The following TUSC3 variants were observed in gnomAD, a reference collection of about 807,000 sequenced individuals.
The protein encoded by TUSC3 is tumor suppressor candidate 3.
TUSC3 carries 45 observed loss-of-function variants against 44.8 expected under a neutral mutation model. The observed-to-expected ratio is 1.00, with a 90% confidence interval of 0.79 to 1.29. TUSC3 has a LOEUF of 1.29. TUSC3 is among the 50% of genes most tolerant of loss of function. The pLI is 0.00. For missense variants in TUSC3, 519 were observed against 437.9 expected (o/e 1.19, Z -1.65); for synonymous variants, 212 against 152.9 (o/e 1.39, Z -2.85).
chr8:15,730,412 C>T (rs527852595), intron 6 of TUSC3, among the ~76,000 whole-genome samples: 2 of 152,096 alleles, frequency 1.3e-5, no homozygotes, highest in East Asian at 3.9e-4. Context: ...GTGATAAATC[C>T]TTTAACAAGT....
chr8:15,806,062 G>A, the TUSC3 span: 5 of 266,326 alleles, frequency 1.9e-5, no homozygotes, highest in Non-Finnish European at 3.0e-5. Context: ...CCTTAAAGTT[G>A]AGGACGGATG....
chr8:15,649,229 G>A (rs903441311), intron 2 of TUSC3, among the ~76,000 whole-genome samples: 3 of 151,982 alleles, frequency 2.0e-5, no homozygotes, highest in African/African-American at 7.3e-5. Flanking sequence ...CGTTGCGGTG[G>A]GGATGAAGGC....
At chr8:15,611,583 T>TA (rs1292798102) in intron 1 of TUSC3, among the ~76,000 whole-genome samples, 1 of 152,202 alleles carries the variant, frequency 6.6e-6, no homozygotes, top group African/African-American at 2.4e-5. Flanking sequence ...TCTTAACTGA[T>TA]TAACCTCTTG....
At chr8:15,768,988 T>C (rs1812396289), downstream of TUSC3, among the ~76,000 whole-genome samples, 1 of 152,048 alleles carries the variant, frequency 6.6e-6, no homozygotes, top group Non-Finnish European at 1.5e-5. Flanking sequence ...ATCGTGAAAA[T>C]GGCCGTACCG....
At chr8:15,544,070 A>C (rs779242892) in intron 1 of TUSC3, among the ~76,000 whole-genome samples, 3 of 152,142 alleles carry the variant, frequency 2.0e-5, no homozygotes, top group Non-Finnish European at 4.4e-5. Flanking sequence ...GGCAAAGAAG[A>C]TTGGAAATTT....
At chr8:15,614,820 C>T (rs1425128774) in intron 1 of TUSC3, among the ~76,000 whole-genome samples, 1 of 150,900 alleles carries the variant, frequency 6.6e-6, no homozygotes, top group African/African-American at 2.4e-5. Flanking sequence ...GATATAGTTA[C>T]ATAATAATTT....
chr8:15,841,234 C>G, the TUSC3 span, among the ~76,000 whole-genome samples: 2 of 152,112 alleles, frequency 1.3e-5, no homozygotes, highest in African/African-American at 4.8e-5. Flanking sequence ...TGTCCAGATA[C>G]ATAGTTCTAA....
At chr8:15,465,171 C>T (rs1800398538) in intron 1 of TUSC3, among the ~76,000 whole-genome samples, 1 of 152,162 alleles carries the variant, frequency 6.6e-6, no homozygotes, top group African/African-American at 2.4e-5. Flanking sequence ...CAAATGTCTG[C>T]TTTAGAGAGA....
intron 1 of TUSC3, among the ~76,000 whole-genome samples, chr8:15,467,651 TG>T (rs1800431288): frequency 1.3e-5 from 2 of 152,170 alleles, no homozygotes; most frequent in South Asian, 4.1e-4. Context: ...GCTGTCCATG[TG>T]GCAAACTCCA....
the TUSC3 span, among the ~76,000 whole-genome samples, chr8:15,830,372 G>C: frequency 6.6e-6 from 1 of 152,120 alleles, no homozygotes; most frequent in Admixed American, 6.5e-5. Flanking sequence ...CCAATGTCCA[G>C]AAGAGGATTT....
intron 1 of TUSC3, among the ~76,000 whole-genome samples, chr8:15,558,684 T>G (rs1214515807): frequency 8.3e-6 from 1 of 121,040 alleles, no homozygotes; most frequent in Non-Finnish European, 1.8e-5. Flanking sequence ...CAATTTCAGC[T>G]CCTGTTATTG....
intron 5 of TUSC3, among the ~76,000 whole-genome samples, chr8:15,669,907 A>G (rs1807866781): frequency 6.6e-6 from 1 of 151,734 alleles, no homozygotes; most frequent in Admixed American, 6.6e-5. Context: ...GATTTTGTAC[A>G]TAGAAAAAAA....
intron 7 of TUSC3, among the ~76,000 whole-genome samples, chr8:15,740,878 A>G (rs1400686035): frequency 6.6e-6 from 1 of 152,182 alleles, no homozygotes; most frequent in Non-Finnish European, 1.5e-5. Flanking sequence ...TTGGAAACAA[A>G]TGCCATCAGT....
intron 2 of TUSC3, among the ~76,000 whole-genome samples, chr8:15,650,426 C>G (rs1806838087): frequency 6.6e-6 from 1 of 152,112 alleles, no homozygotes; most frequent in Admixed American, 6.5e-5. Flanking sequence ...GTTGTTACAA[C>G]TTTGCCCTTA....
chr8:15,587,277 A>G (rs1003391761), intron 1 of TUSC3, among the ~76,000 whole-genome samples: 3 of 152,010 alleles, frequency 2.0e-5, no homozygotes, highest in African/African-American at 7.2e-5. Context: ...TCTTGAGTTT[A>G]TTTTTTTAAA....
intron 9 of TUSC3, among the ~76,000 whole-genome samples, chr8:15,750,642 T>C (rs1811657466): frequency 6.6e-6 from 1 of 152,088 alleles, no homozygotes; most frequent in Non-Finnish European, 1.5e-5. Flanking sequence ...CCAGAAAGCT[T>C]TGGAAAATAC....
intron 2 of TUSC3, among the ~76,000 whole-genome samples, chr8:15,625,304 T>C (rs1305351522): frequency 1.3e-5 from 2 of 152,164 alleles, no homozygotes; most frequent in African/African-American, 2.4e-5. Context: ...GTAGTTTTTA[T>C]TGTTTATAGT....
At chr8:15,820,372 C>T in the TUSC3 span, among the ~76,000 whole-genome samples, 2 of 144,098 alleles carry the variant, frequency 1.4e-5, no homozygotes, top group Non-Finnish European at 3.0e-5. Flanking sequence ...AGTGCAGTGG[C>T]GCGATCTTGG....
At chr8:15,634,370 C>T (rs182200478) in intron 2 of TUSC3, among the ~76,000 whole-genome samples, 3 of 152,148 alleles carry the variant, frequency 2.0e-5, no homozygotes, top group African/African-American at 7.2e-5. Flanking sequence ...TAGTTAGTTA[C>T]TCCAATCTGT....
Sources: gnomAD v4.1 joint callset for allele counts (sites outside exome capture counted in the v4.1 genomes callset) on GRCh38, gnomAD v4.1.1 for gene constraint, MANE v1.5 for transcripts, NCBI Gene and HGNC (gene_info 2026-07-23, HGNC 2026-07-21) for gene names.